The following MSR1 variants were observed in gnomAD, a reference collection of about 807,000 sequenced individuals.
MSR1 encodes the protein macrophage scavenger receptor 1.
In MSR1, 53 loss-of-function variants were observed where a neutral mutation model predicts 47.2. That is an observed-to-expected ratio of 1.12 (90% confidence interval 0.90 to 1.41). The LOEUF (loss-of-function observed/expected upper bound fraction) is 1.41, where lower values mean the gene tolerates loss of function less well. MSR1 is among the 40% of genes most tolerant of loss of function. MSR1 has a pLI of 0.00. For synonymous variants in MSR1, 239 were observed against 185.6 expected, an observed-to-expected ratio of 1.29 and a Z score of -2.34; for missense variants, 786 against 546.9, an observed-to-expected ratio of 1.44 and a Z score of -4.36.
At chr8:16,130,584 G>C (rs1246748480) in intron 8 of MSR1, among the ~76,000 whole-genome samples, 2 of 151,922 alleles carry the variant, frequency 1.3e-5, no homozygotes, top group Admixed American at 6.6e-5. Flanking sequence ...TTTTGTCTTC[G>C]AGGTAATAAG....
chr8:16,141,166 C>T, intron 8 of MSR1: 2 of 1,107,568 alleles, frequency 1.8e-6, no homozygotes, highest in Non-Finnish European at 2.6e-6. Flanking sequence ...CCATTAACTA[C>T]AGATGTGGGG....
intron 9 of MSR1, among the ~76,000 whole-genome samples, chr8:16,115,117 T>C (rs1179130267): frequency 6.6e-6 from 1 of 152,086 alleles, no homozygotes; most frequent in Non-Finnish European, 1.5e-5. Context: ...AGGCAGAGGT[T>C]GCGGTGAGCC....
chr8:16,177,182 G>A (rs1034755964), intron 2 of MSR1, among the ~76,000 whole-genome samples: 9 of 152,134 alleles, frequency 5.9e-5, no homozygotes, highest in Non-Finnish European at 1.0e-4. Flanking sequence ...ATATGTTAAA[G>A]TTTTAACCAT....
intron 6 of MSR1, among the ~76,000 whole-genome samples, chr8:16,153,350 C>T (rs556104027): frequency 2.0e-5 from 3 of 152,056 alleles, no homozygotes; most frequent in Admixed American, 2.0e-4. Flanking sequence ...AGGAAAGATG[C>T]CTGGTATTTT....
chr8:16,124,260 CA>C (rs1036964890), intron 8 of MSR1, among the ~76,000 whole-genome samples: 2 of 151,968 alleles, frequency 1.3e-5, no homozygotes, highest in Admixed American at 1.3e-4. Flanking sequence ...TTTGAGCAGA[CA>C]AAAAATCTTA....
At chr8:16,171,257 G>C (rs1801478897) in intron 3 of MSR1, among the ~76,000 whole-genome samples, 1 of 147,250 alleles carries the variant, frequency 6.8e-6, no homozygotes, top group Non-Finnish European at 1.5e-5. Flanking sequence ...AAAAGAAGCT[G>C]TTTGATAAGC....
At chr8:16,135,248 T>A (rs1349878191) in intron 8 of MSR1, among the ~76,000 whole-genome samples, 2 of 152,188 alleles carry the variant, frequency 1.3e-5, no homozygotes, top group African/African-American at 4.8e-5. Flanking sequence ...AAGTATAGGC[T>A]AATTCCCTTG....
At chr8:16,177,804 G>T (rs1211394999) in intron 2 of MSR1, 82 bp downstream of exon 2, 1 of 1,065,576 alleles carries the variant, frequency 9.4e-7, no homozygotes, top group South Asian at 1.3e-5. Flanking sequence ...TACATTTAAG[G>T]TAAGTCTCAA....
At chr8:16,192,437 A>G (rs1271245347) in intron 1 of MSR1, among the ~76,000 whole-genome samples, 161 bp downstream of exon 1, 1 of 152,114 alleles carries the variant, frequency 6.6e-6, no homozygotes, top group Non-Finnish European at 1.5e-5. Context: ...ACCAAACCAA[A>G]TTATTGCTGA....
At chr8:16,159,818 A>G (rs1801113320) in intron 5 of MSR1, among the ~76,000 whole-genome samples, 1 of 152,006 alleles carries the variant, frequency 6.6e-6, no homozygotes, top group Non-Finnish European at 1.5e-5. Flanking sequence ...GCTGGGCCTT[A>G]CTATTGGTAG....
intron 3 of MSR1, among the ~76,000 whole-genome samples, chr8:16,172,588 A>G (rs1028139978): frequency 1.3e-5 from 2 of 152,120 alleles, no homozygotes; most frequent in African/African-American, 2.4e-5. Flanking sequence ...TACAGATCAT[A>G]TCTACTCTTT....
intron 8 of MSR1, among the ~76,000 whole-genome samples, chr8:16,133,587 C>G (rs1229420220): frequency 6.6e-6 from 1 of 152,124 alleles, no homozygotes; most frequent in Non-Finnish European, 1.5e-5. Context: ...AGGAAGTCAA[C>G]AAGAAAAATC....
chr8:16,140,306 C>A (rs944982096), intron 8 of MSR1: 182 of 984,778 alleles, frequency 1.8e-4, no homozygotes, highest in Non-Finnish European at 2.1e-4. Context: ...AAAAAAAGCC[C>A]TTGACTCAGT....
intron 3 of MSR1, among the ~76,000 whole-genome samples, chr8:16,173,440 C>G (rs1440436168): frequency 2.6e-5 from 4 of 152,154 alleles, no homozygotes. Flanking sequence ...TTTCAAATTA[C>G]AGATAAGCAT....
At chr8:16,189,475 A>AC (rs1554476530) in intron 1 of MSR1, among the ~76,000 whole-genome samples, 1 of 294 alleles carries the variant, frequency 3.4e-3, no homozygotes, top group Non-Finnish European at 7.2e-3. Flanking sequence ...TATTTTATAT[A>AC]TTTTATATAT....
At chr8:16,159,126 GTAAT>G (rs1364912763) in intron 5 of MSR1, among the ~76,000 whole-genome samples, 2 of 151,136 alleles carry the variant, frequency 1.3e-5, no homozygotes, top group Non-Finnish European at 3.0e-5. Flanking sequence ...TACAATCTCA[GTAAT>G]TAATTATACA....
intron 8 of MSR1, among the ~76,000 whole-genome samples, chr8:16,137,492 C>T (rs1359174649): frequency 6.6e-6 from 1 of 152,202 alleles, no homozygotes; most frequent in East Asian, 1.9e-4. Context: ...ATACCCTCCA[C>T]ATGACATATC....
chr8:16,135,427 T>A (rs890519657), intron 8 of MSR1, among the ~76,000 whole-genome samples: 2 of 152,164 alleles, frequency 1.3e-5, no homozygotes, highest in Non-Finnish European at 2.9e-5. Flanking sequence ...GTTTACTGAA[T>A]ATTTTAATCT....
At chr8:16,114,018 G>A (rs921136196) in intron 9 of MSR1, among the ~76,000 whole-genome samples, 1 of 151,840 alleles carries the variant, frequency 6.6e-6, no homozygotes, top group African/African-American at 2.4e-5. Flanking sequence ...TTACCCAGCT[G>A]TATGGACCAG....
Sources: allele counts gnomAD v4.1 joint callset (sites outside exome capture counted in the v4.1 genomes callset), GRCh38; gene constraint gnomAD v4.1.1; transcripts MANE v1.5; gene names NCBI Gene and HGNC (gene_info 2026-07-23, HGNC 2026-07-21).